Variants in SPAG16 observed in about 807,000 individuals in gnomAD.
SPAG16 encodes sperm-associated antigen 16 protein.
SPAG16 carries 86 observed loss-of-function variants against 80.4 expected under a neutral mutation model. The observed-to-expected ratio is 1.07, with a 90% confidence interval of 0.90 to 1.28. The LOEUF is 1.28. Among genes scored for constraint, SPAG16 ranks in the 50% most tolerant of loss-of-function variants. SPAG16 has a pLI of 0.00. For missense variants in SPAG16, 870 were observed against 765.3 expected (o/e 1.14, Z -1.61); for synonymous variants, 294 against 265.9 (o/e 1.11, Z -1.03).
At chr2:213,431,345 T>C (rs1559126261) in intron 9 of SPAG16, among the ~76,000 whole-genome samples, 1 of 151,812 alleles carries the variant, frequency 6.6e-6, no homozygotes, top group Non-Finnish European at 1.5e-5. Flanking sequence ...TTAAAAGATA[T>C]AGATTGGCAG....
At chr2:213,825,701 C>CTTTTTTTTTTTTT (rs55777958) in intron 10 of SPAG16, among the ~76,000 whole-genome samples, 19 of 109,788 alleles carry the variant, frequency 1.7e-4, no homozygotes, top group African/African-American at 2.7e-4. Context: ...TTCTTTCTTT[C>CTTTTTTTTTTTTT]TTTTTTTTTT....
At chr2:213,620,103 A>G (rs1425666504) in intron 10 of SPAG16, among the ~76,000 whole-genome samples, 1 of 152,044 alleles carries the variant, frequency 6.6e-6, no homozygotes, top group South Asian at 2.1e-4. Context: ...GGAGCTAAAA[A>G]AAAAGTGAGC....
chr2:213,498,531 A>T (rs909368711), intron 10 of SPAG16, among the ~76,000 whole-genome samples: 4 of 152,138 alleles, frequency 2.6e-5, no homozygotes, highest in Admixed American at 2.6e-4. Context: ...CAAACATATA[A>T]AACAATATTG....
intron 15 of SPAG16, among the ~76,000 whole-genome samples, chr2:214,276,827 A>G (rs1017738023): frequency 2.6e-5 from 4 of 152,106 alleles, no homozygotes; most frequent in Non-Finnish European, 2.9e-5. Flanking sequence ...CCTGAATTTC[A>G]ATGTTGGCCT....
chr2:213,616,856 C>T (rs566137886), intron 10 of SPAG16, among the ~76,000 whole-genome samples: 4 of 152,016 alleles, frequency 2.6e-5, no homozygotes, highest in Non-Finnish European at 5.9e-5. Flanking sequence ...TAAGAGCACC[C>T]AAAAGTTACT....
chr2:213,828,226 C>T (rs978309230), intron 10 of SPAG16, among the ~76,000 whole-genome samples: 1 of 151,884 alleles, frequency 6.6e-6, no homozygotes, highest in African/African-American at 2.4e-5. Flanking sequence ...CTTCTTTTGT[C>T]TCCTCTGACT....
chr2:213,930,157 T>G lies in SPAG16; in HGVS notation c.1400+12T>G. On this transcript the variant is annotated intron_variant, in intron 12 of 15. Coordinates refer to ENST00000331683, the MANE Select transcript of SPAG16 (RefSeq NM_024532.5). ...TGGGATGTTAATAGGTAAGAAGTAC[T>G]TTAAACATTACTAATCCTCTGTGCT... 6.8e-6 allele frequency: 11 copies of G among 1,607,576 alleles called. No homozygotes were observed. The highest frequency in any genetic ancestry group is 9.4e-6 in the Non-Finnish European group (11 of 1,175,668).
intron 15 of SPAG16, among the ~76,000 whole-genome samples, chr2:214,385,440 A>G (rs1446310558): frequency 6.6e-6 from 1 of 152,230 alleles, no homozygotes; most frequent in Non-Finnish European, 1.5e-5. Flanking sequence ...ACAGAGGGCT[A>G]AATAACTACC....
At chr2:214,197,691 T>C (rs1027713484) in intron 15 of SPAG16, among the ~76,000 whole-genome samples, 3 of 152,060 alleles carry the variant, frequency 2.0e-5, no homozygotes, top group African/African-American at 7.2e-5. Flanking sequence ...TTTTGTTTCA[T>C]CAGAGTTCTA....
intron 14 of SPAG16, among the ~76,000 whole-genome samples, chr2:214,114,156 G>C (rs2125428738): frequency 6.6e-6 from 1 of 152,262 alleles, no homozygotes; most frequent in South Asian, 2.1e-4. Context: ...ACCAGCAGAG[G>C]CTGCAGAACA....
chr2:213,320,060 A>G (rs2063552284), intron 5 of SPAG16, among the ~76,000 whole-genome samples: 1 of 152,014 alleles, frequency 6.6e-6, no homozygotes, highest in South Asian at 2.1e-4. Context: ...GATCCTTAGT[A>G]GATGCTTAAT....
chr2:213,683,532 T>C lies in SPAG16; in HGVS notation c.1071-178953T>C, dbSNP rs551943358. 4.3e-3 allele frequency among the ~76,000 whole-genome samples: 659 copies of C among 151,880 alleles called. 6 individuals are homozygous for C. Among genetic ancestry groups the C allele is most frequent in the African/African-American group, 0.015 (640 of 41,384 alleles). On this transcript the variant is annotated intron_variant, in intron 10 of 15. Transcript: ENST00000331683. Reference sequence around the variant, plus strand: ...CATCACTGCATTCCAGCCTGGATGATAGAGTGAGACTCCATCTCCAAAAAA... The same window carrying C: ...CATCACTGCATTCCAGCCTGGATGACAGAGTGAGACTCCATCTCCAAAAAA...
chr2:213,417,064 T>C (rs1042222540), intron 9 of SPAG16, among the ~76,000 whole-genome samples: 3 of 152,162 alleles, frequency 2.0e-5, no homozygotes, highest in African/African-American at 7.2e-5. Flanking sequence ...GTGGGGTGTA[T>C]GGGCCTGTTA....
chr2:213,574,684 G>GAT (rs1259524336), intron 10 of SPAG16, among the ~76,000 whole-genome samples: 3 of 147,300 alleles, frequency 2.0e-5, no homozygotes, highest in East Asian at 2.0e-4. Flanking sequence ...TATGATATAT[G>GAT]ATATATATAT....
intron 15 of SPAG16, among the ~76,000 whole-genome samples, chr2:214,193,107 C>G (rs542122851): frequency 2.4e-4 from 36 of 152,146 alleles, no homozygotes; most frequent in South Asian, 1.0e-3. Flanking sequence ...CCATATCAGT[C>G]GGCTACTGGC....
chr2:213,972,420 A>C (rs1163528816), intron 12 of SPAG16, among the ~76,000 whole-genome samples: 1 of 152,194 alleles, frequency 6.6e-6, no homozygotes, highest in African/African-American at 2.4e-5. Flanking sequence ...GTAGTTGGCC[A>C]GTTCAAACCT....
intron 10 of SPAG16, among the ~76,000 whole-genome samples, chr2:213,686,408 G>A (rs112842476): frequency 0.05 from 7,623 of 151,666 alleles, 612 homozygotes; most frequent in African/African-American, 0.17. Flanking sequence ...GAGCCAAAGC[G>A]CCCGGCTGTT....
intron 9 of SPAG16, among the ~76,000 whole-genome samples, chr2:213,467,567 C>A (rs1330749979): frequency 6.6e-6 from 1 of 152,156 alleles, no homozygotes; most frequent in Non-Finnish European, 1.5e-5. Flanking sequence ...GGAGGGGAGG[C>A]CTGGACTGGA....
intron 10 of SPAG16, among the ~76,000 whole-genome samples, chr2:213,801,172 A>G (rs896759934): frequency 6.6e-6 from 1 of 152,250 alleles, no homozygotes; most frequent in African/African-American, 2.4e-5. Context: ...ATCAACAATG[A>G]AAACAATAAT....
Sources: allele counts gnomAD v4.1 joint callset (sites outside exome capture counted in the v4.1 genomes callset), GRCh38; gene constraint gnomAD v4.1.1; transcripts MANE v1.5; gene names NCBI Gene and HGNC (gene_info 2026-07-23, HGNC 2026-07-21).